LRRTM4: variants seen among roughly 807,000 people sequenced by gnomAD.
LRRTM4 encodes the protein leucine-rich repeat transmembrane neuronal protein 4.
LRRTM4 carries 25 observed loss-of-function variants against 47.6 expected under a neutral mutation model. The ratio of observed to expected loss-of-function variants is 0.53; its 90% confidence interval spans 0.38 to 0.73. The LOEUF is 0.73. LRRTM4 is among the 30% of genes least tolerant of loss of function. The probability of loss-of-function intolerance (pLI) is 0.00; values close to 1 mark genes in which losing one functional copy is unlikely to be tolerated. For missense variants in LRRTM4, 638 were observed against 713.4 expected (o/e 0.89, Z 1.20); for synonymous variants, 311 against 269.5 (o/e 1.15, Z -1.51).
At chr2:76,839,470 T>G (rs1671610755) in intron 3 of LRRTM4, among the ~76,000 whole-genome samples, 1 of 152,128 alleles carries the variant, frequency 6.6e-6, no homozygotes, top group African/African-American at 2.4e-5. Flanking sequence ...ATTTGAAAAT[T>G]TACAAGCAAT....
intron 3 of LRRTM4, among the ~76,000 whole-genome samples, chr2:77,439,491 A>G (rs1207833733): frequency 2.6e-5 from 4 of 152,158 alleles, no homozygotes; most frequent in Non-Finnish European, 5.9e-5. Context: ...AACTCAGTTT[A>G]GAAACTTAGA....
chr2:77,378,530 G>C (rs1294827565), intron 3 of LRRTM4, among the ~76,000 whole-genome samples: 1 of 152,016 alleles, frequency 6.6e-6, no homozygotes, highest in African/African-American at 2.4e-5. Flanking sequence ...CAACAATTGG[G>C]TAATTTTTGA....
intron 3 of LRRTM4, among the ~76,000 whole-genome samples, chr2:76,833,579 C>CCTA (rs1221882304): frequency 9.2e-6 from 1 of 108,958 alleles, no homozygotes; most frequent in Non-Finnish European, 1.7e-5. Context: ...AATTTATATT[C>CCTA]ATAATATATT....
rs564010419 is a variant in LRRTM4, at chr2:77,360,444, C to T, written c.1551+157874G>A. Among the ~76,000 whole-genome samples the T allele has an allele frequency of 1.4e-4, 21 of 151,244 alleles. No homozygotes were observed. In the East Asian group the frequency reaches 3.9e-3, roughly 28 times the overall value. The stretch of plus-strand genomic sequence containing the variant: ...CTGCACTGTAGCCTGGGCGGCAGAG[C>T]GAGACTCCATCTCAAAAAATACAAT... On this transcript the variant is annotated intron_variant, in intron 3 of 3. Coordinates refer to ENST00000409884, the MANE Select transcript of LRRTM4 (RefSeq NM_001134745.3).
intron 3 of LRRTM4, among the ~76,000 whole-genome samples, chr2:76,952,718 C>T (rs1475522434): frequency 6.6e-6 from 1 of 151,862 alleles, no homozygotes; most frequent in African/African-American, 2.4e-5. Context: ...ATAGATCATT[C>T]AGCAAAAAAG....
At chr2:77,305,889 A>AGCATACAATATTTTGAAG (rs1243327081) in intron 3 of LRRTM4, among the ~76,000 whole-genome samples, 1 of 152,138 alleles carries the variant, frequency 6.6e-6, no homozygotes, top group African/African-American at 2.4e-5. Flanking sequence ...TCACTGATTC[A>AGCATACAATATTTTGAAG]GCATACAATA....
intron 3 of LRRTM4, among the ~76,000 whole-genome samples, chr2:77,360,722 G>A (rs1171283787): frequency 6.6e-6 from 1 of 151,966 alleles, no homozygotes; most frequent in African/African-American, 2.4e-5. Context: ...ATATTTCAAG[G>A]CATTACAATG....
At chr2:77,041,843 G>T (rs780164521) in intron 3 of LRRTM4, among the ~76,000 whole-genome samples, 13 of 149,828 alleles carry the variant, frequency 8.7e-5, no homozygotes, top group Non-Finnish European at 1.5e-4. Context: ...AAACCGCAAT[G>T]ACTTTTGCAC....
intron 3 of LRRTM4, among the ~76,000 whole-genome samples, chr2:77,243,084 G>A (rs182641255): frequency 0.01 from 1,553 of 152,236 alleles, 4 homozygotes; most frequent in Non-Finnish European, 0.015. Context: ...TTAACCTTGA[G>A]GAAATTATGG....
intron 3 of LRRTM4, among the ~76,000 whole-genome samples, chr2:77,078,386 A>C (rs1402795312): frequency 3.9e-5 from 5 of 127,838 alleles, no homozygotes; most frequent in Non-Finnish European, 6.6e-5. Flanking sequence ...ACACCCACAC[A>C]CACACACACA....
At chr2:77,219,950 ACCCCC>A (rs1211508532) in intron 3 of LRRTM4, among the ~76,000 whole-genome samples, 1 of 151,788 alleles carries the variant, frequency 6.6e-6, no homozygotes, top group African/African-American at 2.4e-5. Flanking sequence ...ACTGGGAGGC[ACCCCC>A]CAGTAGGGGT....
intron 3 of LRRTM4, among the ~76,000 whole-genome samples, chr2:77,208,895 T>C (rs970893762): frequency 2.0e-5 from 3 of 152,152 alleles, no homozygotes; most frequent in Admixed American, 6.5e-5. Flanking sequence ...GTACCACACA[T>C]GTAAATAAAA....
chr2:77,363,184 T>G (rs1672307223), intron 3 of LRRTM4, among the ~76,000 whole-genome samples: 1 of 152,250 alleles, frequency 6.6e-6, no homozygotes, highest in Non-Finnish European at 1.5e-5. Context: ...TCTCCATAAT[T>G]AAAATTCACA....
chr2:77,031,858 G>A (rs959335669), intron 3 of LRRTM4, among the ~76,000 whole-genome samples: 5 of 152,048 alleles, frequency 3.3e-5, no homozygotes, highest in East Asian at 1.9e-4. Flanking sequence ...TACTTGACAC[G>A]TCTTCCTGAA....
chr2:76,888,459 TA>T (rs1337241983), intron 3 of LRRTM4, among the ~76,000 whole-genome samples: 62 of 151,606 alleles, frequency 4.1e-4, no homozygotes, highest in Admixed American at 3.2e-3. Context: ...GATGGTAACT[TA>T]TTTTTTTATA....
chr2:77,170,926 A>T (rs1673030099), intron 3 of LRRTM4, among the ~76,000 whole-genome samples: 1 of 147,524 alleles, frequency 6.8e-6, no homozygotes, highest in African/African-American at 2.6e-5. Context: ...ATGTACATAC[A>T]TAAAGCTATA....
intron 3 of LRRTM4, among the ~76,000 whole-genome samples, chr2:77,018,195 T>A (rs927076606): frequency 6.7e-6 from 1 of 150,260 alleles, no homozygotes; most frequent in Non-Finnish European, 1.5e-5. Context: ...CAAAGAAAAA[T>A]TTTTTTTGTT....
chr2:77,194,640 C>T (rs896369781), intron 3 of LRRTM4, among the ~76,000 whole-genome samples: 3 of 152,116 alleles, frequency 2.0e-5, no homozygotes, highest in Admixed American at 6.6e-5. Flanking sequence ...GCTACAACTG[C>T]CTCCAGAGGA....
At chr2:77,116,441 T>G (rs776020307) in intron 3 of LRRTM4, among the ~76,000 whole-genome samples, 2 of 152,268 alleles carry the variant, frequency 1.3e-5, no homozygotes, top group South Asian at 2.1e-4. Context: ...ATTGAATATA[T>G]AATTACTGCA....
Sources: gnomAD v4.1 joint callset for allele counts (sites outside exome capture counted in the v4.1 genomes callset) on GRCh38, gnomAD v4.1.1 for gene constraint, MANE v1.5 for transcripts, NCBI Gene and HGNC (gene_info 2026-07-23, HGNC 2026-07-21) for gene names.